PCDH19: variants seen among roughly 807,000 people sequenced by gnomAD.
PCDH19 encodes the protein protocadherin-19.
A neutral mutation model predicts 46.2 loss-of-function variants in PCDH19; 6 were observed. The ratio of observed to expected loss-of-function variants is 0.13; its 90% CI spans 0.07 to 0.26. The LOEUF is 0.26. Ranked by LOEUF, PCDH19 falls within the 10% of genes least tolerant of loss-of-function variation. PCDH19 has a pLI of 1.00. For missense variants in PCDH19, 740 were observed against 972.3 expected, an observed-to-expected ratio of 0.76 and a Z score of 3.18; for synonymous variants, 481 against 415.7, an observed-to-expected ratio of 1.16 and a Z score of -1.91.
At chrX:100,305,441 C>A (rs947069328) in intron 5 of PCDH19, among the ~76,000 whole-genome samples, 5 of 111,700 alleles carry the variant, frequency 4.5e-5, no homozygotes, top group African/African-American at 1.6e-4. Flanking sequence ...TGAAACAAGT[C>A]CTTGAAATAC....
chrX:100,407,821 G>C lies in PCDH19; in HGVS notation c.777C>G (p.Arg259=), dbSNP rs759965785. 1 of 1,211,182 alleles carries C rather than the reference G, an allele frequency of 8.3e-7. No homozygotes were observed. Among genetic ancestry groups the C allele is most frequent in the African/African-American group, 1.7e-5 (1 of 57,515 alleles). ...ENSPPNTPVI[R]LNASDPDEGT... is the part of the protein sequence containing the mutation. ...CCTCGTCTGGATCGCTGGCGTTGAGGCGGATGACGGGTGTGTTGGGAGGCG... is the reference window on the plus strand; with the variant it reads ...CCTCGTCTGGATCGCTGGCGTTGAGCCGGATGACGGGTGTGTTGGGAGGCG... The change falls in exon 1 of 6, where the codon CGC becomes CGG. Residue 259 remains arginine, a synonymous_variant. Transcript: ENST00000373034.
chrX:100,391,907 A>G (rs1383656995), intron 3 of PCDH19, among the ~76,000 whole-genome samples: 1 of 112,405 alleles, frequency 8.9e-6, no homozygotes, highest in Admixed American at 9.4e-5. Flanking sequence ...CTCACACACT[A>G]GAGAAAACTG....
rs758946412 is a variant in PCDH19 at position 100,407,506 on chromosome X, C to CG, written c.1091dup (p.Tyr366LeufsTer10). ...CCCGCACCAAGGCGATCACGTAGCCCGGGGGGGCGCTCTCGCTGACCTCCA... is the reference window on the plus strand; with the variant it reads ...CCCGCACCAAGGCGATCACGTAGCCCGGGGGGGGCGCTCTCGCTGACCTCCA... On this transcript the variant is annotated frameshift_variant, in exon 1 of 6. Transcript: ENST00000373034. LOFTEE classifies it high-confidence loss of function. 13 of 1,210,743 alleles carry CG rather than the reference C, an allele frequency of 1.1e-5. No individual in the cohort carries two copies. The highest frequency in any genetic ancestry group is 2.2e-5 in the Admixed American group (1 of 46,065).
intron 4 of PCDH19, among the ~76,000 whole-genome samples, chrX:100,345,566 T>C (rs753750609): frequency 5.4e-5 from 6 of 111,937 alleles, no homozygotes; most frequent in Admixed American, 4.8e-4. Context: ...TGGTTTTGGA[T>C]CTGCCTTTTA....
intron 3 of PCDH19, among the ~76,000 whole-genome samples, chrX:100,358,171 G>T (rs1278420552): frequency 1.8e-5 from 2 of 112,113 alleles, no homozygotes; most frequent in Non-Finnish European, 3.8e-5. Flanking sequence ...GGGAATGGTG[G>T]TGACAACATA....
At chrX:100,341,802 C>T (rs943341756) in intron 5 of PCDH19, 101 bp downstream of exon 5, 2 of 737,455 alleles carry the variant, frequency 2.7e-6, no homozygotes, top group East Asian at 3.3e-5. Context: ...TCTGTAGACA[C>T]CTTGATAATA....
At chrX:100,394,910 C>T (rs1237991917) in intron 3 of PCDH19, among the ~76,000 whole-genome samples, 2 of 79,882 alleles carry the variant, frequency 2.5e-5, no homozygotes, top group African/African-American at 5.3e-5. Context: ...TTTTTTGAGA[C>T]GGAGTCTCGC....
chrX:100,399,848 T>A (rs1055023969), intron 3 of PCDH19, among the ~76,000 whole-genome samples: 2 of 112,312 alleles, frequency 1.8e-5, no homozygotes, highest in African/African-American at 6.5e-5. Context: ...TCTGGCTTTG[T>A]GAGTCAGAGA....
intron 4 of PCDH19, among the ~76,000 whole-genome samples, chrX:100,342,613 A>C (rs770695221): frequency 8.9e-6 from 1 of 112,037 alleles, no homozygotes; most frequent in African/African-American, 3.2e-5. Context: ...AAAATATAGC[A>C]GACCTAAGAC....
chrX:100,405,374 AAAAT>A (rs1928312918), intron 1 of PCDH19, among the ~76,000 whole-genome samples: 2 of 112,541 alleles, frequency 1.8e-5, no homozygotes, highest in Non-Finnish European at 3.8e-5. Context: ...TGCTGGAAAA[AAAAT>A]GTCATGTATT....
chrX:100,321,074 T>C (rs1356015433), intron 5 of PCDH19, among the ~76,000 whole-genome samples: 1 of 111,564 alleles, frequency 9.0e-6, no homozygotes, highest in Non-Finnish European at 1.9e-5. Context: ...CTTAGAATAA[T>C]AGTCTCTAAT....
At chrX:100,376,209 T>C (rs1277864283) in intron 3 of PCDH19, among the ~76,000 whole-genome samples, 2 of 88,927 alleles carry the variant, frequency 2.2e-5, no homozygotes, top group Non-Finnish European at 4.2e-5. Flanking sequence ...CACTCCAGCC[T>C]GGGCAACAAG....
chrX:100,342,899 T>C (rs1203941078), intron 4 of PCDH19, among the ~76,000 whole-genome samples: 1 of 112,134 alleles, frequency 8.9e-6, no homozygotes, highest in Admixed American at 9.5e-5. Flanking sequence ...GACTGCACCA[T>C]GGAATGCCCA....
chrX:100,351,553 G>A (rs937219451), intron 3 of PCDH19, among the ~76,000 whole-genome samples: 3 of 112,178 alleles, frequency 2.7e-5, no homozygotes, highest in Non-Finnish European at 3.8e-5. Context: ...GAATGTCCTA[G>A]TAAAGTGGAT....
intron 3 of PCDH19, among the ~76,000 whole-genome samples, chrX:100,365,812 C>G (rs1602610537): frequency 8.9e-6 from 1 of 111,984 alleles, no homozygotes; most frequent in Non-Finnish European, 1.9e-5. Flanking sequence ...TTATTGGAAA[C>G]TCAGGCATGG....
intron 3 of PCDH19, among the ~76,000 whole-genome samples, chrX:100,359,175 G>A (rs946851552): frequency 8.9e-6 from 1 of 111,879 alleles, no homozygotes; most frequent in African/African-American, 3.3e-5. Context: ...CAGGAGCACC[G>A]TTTTTGGCAT....
chrX:100,384,648 T>TA (rs1028498903), intron 3 of PCDH19, among the ~76,000 whole-genome samples: 2 of 110,994 alleles, frequency 1.8e-5, no homozygotes, highest in African/African-American at 3.3e-5. Context: ...AACACTCCTT[T>TA]AAAAAAAACT....
intron 3 of PCDH19, among the ~76,000 whole-genome samples, chrX:100,398,681 T>C (rs1928092097): frequency 8.9e-6 from 1 of 112,158 alleles, no homozygotes; most frequent in African/African-American, 3.2e-5. Context: ...ATCTCCATGG[T>C]CCCTGCCACA....
intron 3 of PCDH19, among the ~76,000 whole-genome samples, chrX:100,379,512 G>A (rs1403841277): frequency 2.7e-5 from 3 of 112,427 alleles, no homozygotes; most frequent in African/African-American, 9.7e-5. Flanking sequence ...AAGATGAAGA[G>A]ATAAAGACAA....
Sources: gnomAD v4.1 joint callset for allele counts (sites outside exome capture counted in the v4.1 genomes callset) on GRCh38, gnomAD v4.1.1 for gene constraint, MANE v1.5 for transcripts, NCBI Gene and HGNC (gene_info 2026-07-23, HGNC 2026-07-21) for gene names.